PHLPP1: variants seen among roughly 807,000 people sequenced by gnomAD.
PHLPP1 encodes the protein PH domain and leucine rich repeat protein phosphatase 1, also known as PH domain leucine-rich repeat-containing protein phosphatase 1.
Under a neutral mutation model 117.2 loss-of-function variants are expected in PHLPP1, and 42 were observed. The observed-to-expected ratio is 0.36, with a 90% CI of 0.28 to 0.46. PHLPP1 has a LOEUF of 0.46. PHLPP1 is among the 20% of genes least tolerant of loss of function. The pLI is 1.00. For missense variants in PHLPP1, 2,084 were observed against 2,241.9 expected, an observed-to-expected ratio of 0.93 and a Z score of 1.42; for synonymous variants, 1,042 against 970.7, an observed-to-expected ratio of 1.07 and a Z score of -1.37.
chr18:62,960,003 C>T lies in PHLPP1; in HGVS notation c.3455+1244C>T, dbSNP rs774501146. Among the ~76,000 whole-genome samples the T allele has an allele frequency of 1.2e-4, 19 of 152,080 alleles. 1 individual carries two copies. Among genetic ancestry groups the T allele is most frequent in the Non-Finnish European group, 2.4e-4 (16 of 68,024 alleles). On this transcript the variant is annotated intron_variant, in intron 13 of 16. Transcript: ENST00000262719. ...ATAAGATGAGAAAAAAAATGGCCTA[C>T]GTGATCTTTAAGGTACTTTTTAAGA... is the stretch of plus-strand genomic sequence containing the variant.
chr18:62,760,370 C>G (rs1357865904), intron 1 of PHLPP1, among the ~76,000 whole-genome samples: 1 of 152,094 alleles, frequency 6.6e-6, no homozygotes, highest in Non-Finnish European at 1.5e-5. Context: ...AGTTTGCAGT[C>G]CGAGATCTGT....
intron 1 of PHLPP1, chr18:62,779,597 A>G (rs186531779): frequency 2.0e-5 from 3 of 152,322 alleles, no homozygotes; most frequent in Admixed American, 2.0e-4. Context: ...GTCTGTTTAA[A>G]TTACTCAGTA....
chr18:62,742,169 T>A (rs1911548770), intron 1 of PHLPP1, among the ~76,000 whole-genome samples: 2 of 152,198 alleles, frequency 1.3e-5, no homozygotes, highest in African/African-American at 4.8e-5. Flanking sequence ...ATTTCCTAAC[T>A]TTTTATCTTA....
At chr18:62,975,656 TGGAGA>T (rs554008925) in intron 16 of PHLPP1, 31 bp downstream of exon 16, 35 of 1,458,886 alleles carry the variant, frequency 2.4e-5, no homozygotes, top group Middle Eastern at 1.7e-4. Context: ...CCCAGGATGG[TGGAGA>T]GGAGAGGAGA....
At chr18:62,871,473 G>A (rs182185969) in intron 4 of PHLPP1, among the ~76,000 whole-genome samples, 194 of 149,812 alleles carry the variant, frequency 1.3e-3, no homozygotes, top group African/African-American at 4.5e-3. Flanking sequence ...GATTACAGGC[G>A]TGCACCACCA....
intron 1 of PHLPP1, among the ~76,000 whole-genome samples, chr18:62,824,698 GCAAAAA>G (rs1195467549): frequency 6.6e-6 from 1 of 151,996 alleles, no homozygotes; most frequent in Non-Finnish European, 1.5e-5. Context: ...AAAGCATTTT[GCAAAAA>G]CAATTCATGG....
chr18:62,881,471 G>T (rs772580074), intron 4 of PHLPP1, among the ~76,000 whole-genome samples: 4 of 152,062 alleles, frequency 2.6e-5, no homozygotes, highest in Non-Finnish European at 5.9e-5. Flanking sequence ...ATTCTTTCAT[G>T]ACTGTAAATT....
intron 1 of PHLPP1, among the ~76,000 whole-genome samples, chr18:62,739,884 C>T (rs1911472172): frequency 6.6e-6 from 1 of 152,140 alleles, no homozygotes; most frequent in African/African-American, 2.4e-5. Context: ...TTCTCGAGCT[C>T]ATCAACCAAG....
At chr18:62,905,401 T>C (rs1361043555) in intron 8 of PHLPP1, 117 bp downstream of exon 8, 1 of 442,196 alleles carries the variant, frequency 2.3e-6, no homozygotes, top group Non-Finnish European at 4.0e-6. Flanking sequence ...AAAAAATTAA[T>C]GATTTTTACT....
chr18:62,953,598 G>A (rs1371034588), intron 12 of PHLPP1, among the ~76,000 whole-genome samples: 1 of 152,206 alleles, frequency 6.6e-6, no homozygotes, highest in African/African-American at 2.4e-5. Flanking sequence ...AGTTCCTCAA[G>A]GGCAGGGACT....
At chr18:62,755,437 T>C (rs1392945079) in intron 1 of PHLPP1, among the ~76,000 whole-genome samples, 1 of 152,208 alleles carries the variant, frequency 6.6e-6, no homozygotes, top group Non-Finnish European at 1.5e-5. Flanking sequence ...GCAATTCATA[T>C]GTTGAAATCC....
intron 12 of PHLPP1, among the ~76,000 whole-genome samples, chr18:62,947,675 T>C (rs779622938): frequency 2.8e-4 from 43 of 152,240 alleles, no homozygotes; most frequent in Non-Finnish European, 5.1e-4. Context: ...TATAAACTCT[T>C]AAATGTAGAT....
At position 62,822,312 on chromosome 18, in the gene PHLPP1, C is replaced by A. The variant is rs189464767; in HGVS notation, c.1577-7723C>A. Among the ~76,000 whole-genome samples the A allele has an allele frequency of 7.7e-3, 939 of 121,350 alleles. 6 individuals carry two copies. The highest frequency in any genetic ancestry group is 0.019 in the African/African-American group (646 of 33,908). The allele number at this position is 121,350 out of a possible 152,430, so 79.6% of individuals were successfully genotyped here. On this transcript the variant is annotated intron_variant, in intron 1 of 16. Coordinates refer to ENST00000262719, the MANE Select transcript of PHLPP1 (RefSeq NM_194449.4). ...TTTTTTTTTTTTTGAGACAGAGTCTCGCTCTGTGGTCCAGGCTGGAGTGCA... is the reference window on the plus strand; with the variant it reads ...TTTTTTTTTTTTTGAGACAGAGTCTAGCTCTGTGGTCCAGGCTGGAGTGCA...
intron 1 of PHLPP1, among the ~76,000 whole-genome samples, chr18:62,807,618 C>T (rs1222869244): frequency 6.6e-6 from 1 of 152,178 alleles, no homozygotes; most frequent in Non-Finnish European, 1.5e-5. Context: ...ACAGCTTACT[C>T]CACACCTCTC....
intron 6 of PHLPP1, among the ~76,000 whole-genome samples, chr18:62,898,396 G>A (rs1234005531): frequency 6.6e-6 from 1 of 152,148 alleles, no homozygotes; most frequent in Non-Finnish European, 1.5e-5. Flanking sequence ...TCTTTTACAT[G>A]AGTTTCTGTC....
At chr18:62,779,509 A>T (rs1352033483) in intron 1 of PHLPP1, 1 of 152,200 alleles carries the variant, frequency 6.6e-6, no homozygotes, top group Non-Finnish European at 1.5e-5. Flanking sequence ...GATGAATGTC[A>T]TCTGTATCAT....
intron 1 of PHLPP1, among the ~76,000 whole-genome samples, chr18:62,820,599 C>T (rs988029464): frequency 6.6e-6 from 1 of 152,182 alleles, no homozygotes; most frequent in Non-Finnish European, 1.5e-5. Flanking sequence ...GGCTCATCCC[C>T]CTTCGCTCAG....
At chr18:62,858,242 A>G (rs1915545298) in intron 3 of PHLPP1, among the ~76,000 whole-genome samples, 1 of 150,990 alleles carries the variant, frequency 6.6e-6, no homozygotes, top group South Asian at 2.1e-4. Context: ...TCCTAAGCTC[A>G]AATATTCCAT....
intron 1 of PHLPP1, among the ~76,000 whole-genome samples, chr18:62,816,415 A>T (rs1295890803): frequency 6.6e-6 from 1 of 151,938 alleles, no homozygotes; most frequent in Non-Finnish European, 1.5e-5. Flanking sequence ...AATACAAAAA[A>T]ATTTAGCTGG....
Sources: allele counts gnomAD v4.1 joint callset (sites outside exome capture counted in the v4.1 genomes callset), GRCh38; gene constraint gnomAD v4.1.1; transcripts MANE v1.5; gene names NCBI Gene and HGNC (gene_info 2026-07-23, HGNC 2026-07-21).